Variants in NFIC observed in about 807,000 individuals in gnomAD.
NFIC encodes nuclear factor I C, also known as nuclear factor 1 C-type.
Under a neutral mutation model 54.4 loss-of-function variants are expected in NFIC, and 12 were observed. The observed-to-expected ratio is 0.22, with a 90% CI of 0.14 to 0.36. NFIC has a LOEUF of 0.36. Among genes scored for constraint, NFIC ranks in the 10% least tolerant of loss-of-function variants. The pLI is 1.00. For synonymous variants in NFIC, 322 were observed against 319.2 expected (o/e 1.01, Z -0.09); for missense variants, 575 against 718.2 (o/e 0.80, Z 2.28).
At chr19:3,438,445 T>C (rs2082240365) in intron 6 of NFIC, among the ~76,000 whole-genome samples, 1 of 149,104 alleles carries the variant, frequency 6.7e-6, no homozygotes, top group South Asian at 2.2e-4. Context: ...TTTTTTTTTT[T>C]TTTTCTTTTT....
intron 2 of NFIC, among the ~76,000 whole-genome samples, chr19:3,405,066 C>T (rs1404514777): frequency 2.0e-5 from 3 of 151,990 alleles, no homozygotes; most frequent in South Asian, 2.1e-4. Flanking sequence ...GCCATGGAGC[C>T]GGCGGGGGCC....
chr19:3,421,898 G>A (rs1012692823), intron 2 of NFIC, among the ~76,000 whole-genome samples: 2 of 152,054 alleles, frequency 1.3e-5, no homozygotes, highest in Admixed American at 6.6e-5. Flanking sequence ...CTGAGTAGCT[G>A]GGACTACAGG....
At chr19:3,372,428 G>T (rs1184289600) in intron 1 of NFIC, among the ~76,000 whole-genome samples, 1 of 152,182 alleles carries the variant, frequency 6.6e-6, no homozygotes, top group African/African-American at 2.4e-5. Flanking sequence ...TGGATAAGGG[G>T]GGTCCCAGAG....
upstream of NFIC, chr19:3,366,543 G>GT (rs2080887104): frequency 1.7e-6 from 1 of 580,014 alleles, no homozygotes; most frequent in East Asian, 4.0e-5. Flanking sequence ...GCGGGGGGGG[G>GT]GGTTGGGGGG....
intron 2 of NFIC, among the ~76,000 whole-genome samples, chr19:3,399,802 C>T (rs147441264): frequency 0.024 from 3,570 of 150,716 alleles, 156 homozygotes; most frequent in African/African-American, 0.083. Context: ...ACCTGGGAGG[C>T]GGAGATTGTA....
At chr19:3,402,219 T>C (rs374061276) in intron 2 of NFIC, among the ~76,000 whole-genome samples, 76 of 152,258 alleles carry the variant, frequency 5.0e-4, no homozygotes, top group African/African-American at 1.6e-3. Context: ...CTAATTTTTG[T>C]ATTTTTAGTA....
intron 2 of NFIC, among the ~76,000 whole-genome samples, chr19:3,414,748 A>G (rs1014495411): frequency 2.0e-5 from 3 of 152,152 alleles, no homozygotes; most frequent in Non-Finnish European, 2.9e-5. Flanking sequence ...AAAACCCTCC[A>G]CAGAGAATCT....
At position 3,452,547 on chromosome 19, in the gene NFIC, A is replaced by T. The variant is rs752564640; in HGVS notation, c.1150A>T (p.Thr384Ser). 6.8e-6 allele frequency: 11 copies of T among 1,613,172 alleles called. No individual in the cohort carries two copies. The Admixed American group carries it at 1.3e-4, about 20-fold the overall frequency. Residue 384 changes from threonine (T) to serine (S), a missense_variant, in exon 8 of 11, where the codon ACG becomes TCG. Physicochemically the swap from Thr to Ser is moderately conservative, Grantham distance 58 (BLOSUM62 1). Transcript: ENST00000443272. This position sits in a 1 kb window ranked among gnomAD's most constrained non-coding sequence, Gnocchi z 5.3. Reference sequence around the variant, plus strand: ...CCCTACGACGTCCATCCTACCCCAGACGGCCTCCACCTACTTCCCCCACAC... The same window carrying T: ...CCCTACGACGTCCATCCTACCCCAGTCGGCCTCCACCTACTTCCCCCACAC... ...HFPTTSILPQ[T>S]ASTYFPHTAI... is the part of the protein sequence containing the mutation.
chr19:3,468,319 C>G lies in NFIC; in HGVS notation c.*5550C>G, dbSNP rs2082744145. ...GCACCCCCAAGCCACCACCCCCCAGCCTTCCACGCACATCTCCTGGCTGGA... is the reference window on the plus strand; with the variant it reads ...GCACCCCCAAGCCACCACCCCCCAGGCTTCCACGCACATCTCCTGGCTGGA... On this transcript the variant is annotated 3_prime_UTR_variant, in exon 11 of 11. Coordinates refer to ENST00000443272, the MANE Select transcript of NFIC (RefSeq NM_001245002.2). The G allele has an allele frequency of 1.3e-5, 2 of 152,170 alleles. No individual in the cohort carries two copies. Among genetic ancestry groups the G allele is most frequent in the African/African-American group, 4.8e-5 (2 of 41,384 alleles). 9.4% of individuals were successfully genotyped at this position (152,170 alleles called of 1,614,324 possible).
chr19:3,360,267 C>T (rs2080793194), intron 1 of NFIC, among the ~76,000 whole-genome samples: 2 of 145,734 alleles, frequency 1.4e-5, no homozygotes, highest in African/African-American at 4.9e-5. Flanking sequence ...GGGCGGGCGG[C>T]CGCGCTCGGC....
intron 1 of NFIC, among the ~76,000 whole-genome samples, chr19:3,378,601 G>A (rs1229422464): frequency 6.6e-6 from 1 of 152,284 alleles, no homozygotes; most frequent in East Asian, 1.9e-4. Flanking sequence ...CCCCCTCAAG[G>A]CCTCAGTTTC....
At chr19:3,433,447 G>T in intron 3 of NFIC, 71 bp from the exon 4 acceptor site, 1 of 1,541,590 alleles carries the variant, frequency 6.5e-7, no homozygotes. Context: ...AGGAGTCCAG[G>T]CAGCCCTGGA....
chr19:3,426,664 C>T (rs1479498530), intron 3 of NFIC, among the ~76,000 whole-genome samples: 2 of 152,164 alleles, frequency 1.3e-5, no homozygotes, highest in East Asian at 3.9e-4. Flanking sequence ...CACAACCTGT[C>T]CCATCCCTGC....
At position 3,361,419 on chromosome 19, in the gene NFIC, T is replaced by C. The variant is rs2080809665; in HGVS notation, c.3+1734T>C. On this transcript the variant is annotated intron_variant, in intron 1 of 9. Transcript: ENST00000395111. ...GGTCCCGCAGTCCCGCCTCCAGCAC[T>C]TGCCCCCAATGGACCAGAGGCCGTG... 2.0e-5 allele frequency among the ~76,000 whole-genome samples: 3 copies of C among 152,098 alleles called. No individual in the cohort carries two copies. In the South Asian group the frequency reaches 6.2e-4, roughly 32 times the overall value.
chr19:3,399,758 C>T (rs1046883892), intron 2 of NFIC, among the ~76,000 whole-genome samples: 1 of 152,018 alleles, frequency 6.6e-6, no homozygotes, highest in Non-Finnish European at 1.5e-5. Flanking sequence ...GTAATCCCAG[C>T]TACTGGGGAG....
At chr19:3,394,217 G>A (rs1480857888) in intron 2 of NFIC, among the ~76,000 whole-genome samples, 10 of 152,126 alleles carry the variant, frequency 6.6e-5, no homozygotes, top group Non-Finnish European at 7.4e-5. Flanking sequence ...AGTGGCTCAC[G>A]CCTGGAATCC....
chr19:3,366,576 A>T, upstream of NFIC: 3 of 1,093,648 alleles, frequency 2.7e-6, no homozygotes, highest in Non-Finnish European at 3.9e-6. Flanking sequence ...GTTTGGAAAA[A>T]TGACTCAGTA....
intron 1 of NFIC, among the ~76,000 whole-genome samples, chr19:3,360,232 C>G (rs1047943425): frequency 1.2e-4 from 17 of 145,698 alleles, no homozygotes; most frequent in Admixed American, 6.1e-4. Flanking sequence ...CCGCGGCCGC[C>G]GCCGGGCGCC....
At chr19:3,421,703 C>T (rs1398119151) in intron 2 of NFIC, among the ~76,000 whole-genome samples, 2 of 152,208 alleles carry the variant, frequency 1.3e-5, no homozygotes, top group African/African-American at 4.8e-5. Context: ...TAGCACGGCG[C>T]CAGGCTAACT....
Sources: allele counts gnomAD v4.1 joint callset (sites outside exome capture counted in the v4.1 genomes callset), GRCh38; gene constraint gnomAD v4.1.1; non-coding constraint Gnocchi (gnomAD v3.1); transcripts MANE v1.5; gene names NCBI Gene and HGNC (gene_info 2026-07-23, HGNC 2026-07-21).